The following ANO2 variants were observed in gnomAD, a reference collection of about 807,000 sequenced individuals.
ANO2 encodes the protein anoctamin-2.
In ANO2, 101 loss-of-function variants were observed where a neutral mutation model predicts 124.2. The ratio of observed to expected loss-of-function variants is 0.81; its 90% confidence interval spans 0.69 to 0.96. ANO2 has a LOEUF of 0.96. Ranked by LOEUF, ANO2 falls within the 40% of genes least tolerant of loss-of-function variation. The probability of loss-of-function intolerance (pLI) is 0.00; values close to 1 mark genes in which losing one functional copy is unlikely to be tolerated. For synonymous variants in ANO2, 486 were observed against 482.5 expected, an observed-to-expected ratio of 1.01 and a Z score of -0.09; for missense variants, 1,293 against 1,274.5, an observed-to-expected ratio of 1.01 and a Z score of -0.22.
At chr12:5,680,971 C>T (rs1462458324) in intron 14 of ANO2, among the ~76,000 whole-genome samples, 1 of 152,164 alleles carries the variant, frequency 6.6e-6, no homozygotes, top group African/African-American at 2.4e-5. Context: ...CAGAAGAGTT[C>T]CTCTGCCCCA....
chr12:5,646,160 C>T (rs1946628569), intron 15 of ANO2, among the ~76,000 whole-genome samples: 1 of 152,162 alleles, frequency 6.6e-6, no homozygotes, highest in Non-Finnish European at 1.5e-5. Flanking sequence ...TTCTATCCTC[C>T]CTGCTCCCAT....
At chr12:5,891,860 C>T (rs1052754466) in intron 3 of ANO2, among the ~76,000 whole-genome samples, 3 of 152,100 alleles carry the variant, frequency 2.0e-5, no homozygotes, top group Non-Finnish European at 2.9e-5. Flanking sequence ...CCCAGATTTC[C>T]ATAACATAAT....
intron 16 of ANO2, among the ~76,000 whole-genome samples, chr12:5,629,246 A>C (rs1945578253): frequency 6.6e-6 from 1 of 152,236 alleles, no homozygotes; most frequent in Non-Finnish European, 1.5e-5. Flanking sequence ...GGAGGCAGCA[A>C]GCCAACAGCA....
chr12:5,578,225 C>T, intron 21 of ANO2, 141 bp downstream of exon 21: 1 of 1,323,558 alleles, frequency 7.6e-7, no homozygotes. Flanking sequence ...CGTCCCTGCA[C>T]TTCAGGATAT....
chr12:5,807,536 T>C (rs1170360937), intron 7 of ANO2, among the ~76,000 whole-genome samples, 168 bp from the exon 8 acceptor site: 3 of 152,216 alleles, frequency 2.0e-5, no homozygotes, highest in Non-Finnish European at 4.4e-5. Flanking sequence ...GTTCTTAGTA[T>C]AAGAACAATA....
chr12:5,923,078 A>ACATACACCCACG (rs1941811803), intron 1 of ANO2, among the ~76,000 whole-genome samples: 1 of 22,268 alleles, frequency 4.5e-5, no homozygotes, highest in Non-Finnish European at 1.1e-4. Flanking sequence ...ACACATGCAC[A>ACATACACCCACG]CATACACACA....
intron 20 of ANO2, among the ~76,000 whole-genome samples, chr12:5,580,359 A>G (rs1019437663): frequency 3.9e-5 from 6 of 152,242 alleles, no homozygotes; most frequent in Admixed American, 6.5e-5. Flanking sequence ...ATCAACATGT[A>G]CAGATGACTG....
At chr12:5,882,489 G>A (rs1331983577) in intron 3 of ANO2, among the ~76,000 whole-genome samples, 1 of 152,178 alleles carries the variant, frequency 6.6e-6, no homozygotes, top group African/African-American at 2.4e-5. Flanking sequence ...CCCTCCCACA[G>A]GCATAGAGTA....
chr12:5,944,108 G>A (rs566753769), intron 1 of ANO2, among the ~76,000 whole-genome samples: 9 of 152,340 alleles, frequency 5.9e-5, no homozygotes, highest in Non-Finnish European at 4.4e-5. Context: ...ACGGGTGCAC[G>A]TTAAGACACA....
At chr12:5,592,036 C>T (rs913399300) in intron 20 of ANO2, among the ~76,000 whole-genome samples, 1 of 152,178 alleles carries the variant, frequency 6.6e-6, no homozygotes, top group Admixed American at 6.5e-5. Context: ...TTGAGAGAAA[C>T]TCTGATAATA....
chr12:5,673,256 T>A (rs1332706796), intron 14 of ANO2, among the ~76,000 whole-genome samples: 1 of 152,218 alleles, frequency 6.6e-6, no homozygotes, highest in Non-Finnish European at 1.5e-5. Flanking sequence ...GATGACACCA[T>A]GCAGTAGCAG....
At position 5,766,843 on chromosome 12, in the gene ANO2, G is replaced by A. The variant is rs78470968; in HGVS notation, c.1056-15873C>T. 2.9e-3 allele frequency among the ~76,000 whole-genome samples: 436 copies of A among 152,296 alleles called. 6 individuals carry two copies. The East Asian group carries it at 0.031, about 11-fold the overall frequency. Reference sequence around the variant, plus strand: ...CTGGCTCAGTCGGAGACTAAGCTGCGAGGTGAGTTCTCATCTGAAGGAAGC... The same window carrying A: ...CTGGCTCAGTCGGAGACTAAGCTGCAAGGTGAGTTCTCATCTGAAGGAAGC... On this transcript the variant is annotated intron_variant, in intron 10 of 24. Transcript: ENST00000682330.
At chr12:5,837,761 G>A in intron 4 of ANO2, among the ~76,000 whole-genome samples, 1 of 151,334 alleles carries the variant, frequency 6.6e-6, no homozygotes, top group Non-Finnish European at 1.5e-5. Flanking sequence ...GAGAAAGCAG[G>A]AAAGATCCAA....
chr12:5,804,398 C>T (rs1953129739), intron 9 of ANO2, among the ~76,000 whole-genome samples: 1 of 152,138 alleles, frequency 6.6e-6, no homozygotes, highest in African/African-American at 2.4e-5. Flanking sequence ...ACATTAAAAC[C>T]AGTCTTCTCT....
At chr12:5,755,444 T>C (rs1300739042) in intron 10 of ANO2, among the ~76,000 whole-genome samples, 2 of 151,924 alleles carry the variant, frequency 1.3e-5, no homozygotes, top group Non-Finnish European at 2.9e-5. Flanking sequence ...CTAGGGTACA[T>C]GTGCACAACG....
chr12:5,660,021 T>C (rs1947360679), intron 14 of ANO2, among the ~76,000 whole-genome samples: 1 of 152,192 alleles, frequency 6.6e-6, no homozygotes, highest in Non-Finnish European at 1.5e-5. Context: ...GTCTGCAAAA[T>C]AGAGAGGCCA....
chr12:5,593,152 A>T (rs1030935541), intron 20 of ANO2, among the ~76,000 whole-genome samples: 4 of 152,224 alleles, frequency 2.6e-5, no homozygotes, highest in Non-Finnish European at 4.4e-5. Flanking sequence ...TAAGCTCATG[A>T]CCAAGAAAAA....
chr12:5,943,675 T>C (rs925617043), intron 1 of ANO2, among the ~76,000 whole-genome samples: 7 of 152,168 alleles, frequency 4.6e-5, no homozygotes, highest in Admixed American at 4.6e-4. Context: ...TTTAAAACAA[T>C]TTTTAAACAA....
chr12:5,739,614 C>CACAA (rs1322063649), intron 12 of ANO2, among the ~76,000 whole-genome samples: 1 of 151,736 alleles, frequency 6.6e-6, no homozygotes, highest in Non-Finnish European at 1.5e-5. Context: ...CACACACACA[C>CACAA]ACACACACAC....
Sources: allele counts gnomAD v4.1 joint callset (sites outside exome capture counted in the v4.1 genomes callset), GRCh38; gene constraint gnomAD v4.1.1; transcripts MANE v1.5; gene names NCBI Gene and HGNC (gene_info 2026-07-23, HGNC 2026-07-21).